MCF2L2: variants seen among roughly 807,000 people sequenced by gnomAD.
MCF2L2 encodes probable guanine nucleotide exchange factor MCF2L2.
In MCF2L2, 102 loss-of-function variants were observed where a neutral mutation model predicts 150.2. That is an observed-to-expected ratio of 0.68 (90% CI 0.58 to 0.80). MCF2L2 has a LOEUF of 0.80. Among genes scored for constraint, MCF2L2 ranks in the 30% least tolerant of loss-of-function variants. MCF2L2 has a pLI of 0.00. For missense variants in MCF2L2, 1,256 were observed against 1,372.8 expected (o/e 0.91, Z 1.34); for synonymous variants, 465 against 491.3 (o/e 0.95, Z 0.71).
At chr3:183,321,437 C>CAAAA (rs754945400) in intron 6 of MCF2L2, among the ~76,000 whole-genome samples, 12,300 of 86,600 alleles carry the variant, frequency 0.14, 598 homozygotes, top group Non-Finnish European at 0.19. Flanking sequence ...GACTCTGTCT[C>CAAAA]AAAAAAAAAA....
intron 2 of MCF2L2, among the ~76,000 whole-genome samples, chr3:183,387,898 C>T (rs192458117): frequency 2.9e-5 from 4 of 136,268 alleles, no homozygotes; most frequent in East Asian, 2.2e-4. Flanking sequence ...TGCTATTGCA[C>T]GCCAGCCTGG....
intron 21 of MCF2L2, among the ~76,000 whole-genome samples, chr3:183,217,924 A>T (rs776333791): frequency 2.6e-5 from 4 of 152,234 alleles, no homozygotes; most frequent in Non-Finnish European, 5.9e-5. Flanking sequence ...AGGCTTTTGC[A>T]TGGGCTTGAG....
chr3:183,309,616 C>T, intron 10 of MCF2L2, 100 bp downstream of exon 10: 1 of 1,512,446 alleles, frequency 6.6e-7, no homozygotes, highest in Non-Finnish European at 9.1e-7. Flanking sequence ...CTGGGCATTC[C>T]TGTGTCCTTT....
In MCF2L2 at chr3:183,222,371, G is replaced by A. The variant is rs541872320; in HGVS notation, c.2301+975C>T. Among the ~76,000 whole-genome samples, 15 of 152,270 alleles carry A rather than the reference G, an allele frequency of 9.9e-5. 2 individuals carry two copies. The South Asian group carries it at 3.1e-3, about 32-fold the overall frequency. On this transcript the variant is annotated intron_variant, in intron 20 of 29. Coordinates refer to ENST00000328913, the MANE Select transcript of MCF2L2 (RefSeq NM_015078.4). Reference sequence around the variant, plus strand: ...TCAAGACCAGCCTGGCCAACATGGTGAAACCCCGTCTCTACTAAAAATACA... The same window carrying A: ...TCAAGACCAGCCTGGCCAACATGGTAAAACCCCGTCTCTACTAAAAATACA...
rs1728545763 is a variant in MCF2L2, at chr3:183,297,031, A to C, written c.1442T>G (p.Leu481Arg). The C allele has an allele frequency of 6.2e-7, 1 of 1,614,112 alleles. No individual in the cohort carries two copies. Among genetic ancestry groups the C allele is most frequent in the Middle Eastern group, 1.6e-4 (1 of 6,062 alleles). ...FLGTVKEYPL[L>R]SPKEFYNEFE... Reference sequence around the variant, plus strand: ...CTCGTTGTAAAACTCCTTGGGGCTGAGCAACGGGTACTCCTTGACTGTGCC... The same window carrying C: ...CTCGTTGTAAAACTCCTTGGGGCTGCGCAACGGGTACTCCTTGACTGTGCC... The change falls in exon 12 of 30, where the codon CTC becomes CGC. Residue 481 changes from leucine (L) to arginine (R), a missense_variant. Physicochemically the swap from Leu to Arg is moderately radical, Grantham distance 102 (BLOSUM62 -2). Transcript: ENST00000328913.
At chr3:183,279,378 T>C (rs2108463302) in intron 14 of MCF2L2, among the ~76,000 whole-genome samples, 1 of 152,352 alleles carries the variant, frequency 6.6e-6, no homozygotes, top group Admixed American at 6.5e-5. Context: ...ATTCAAATAG[T>C]AGACTAAAAA....
chr3:183,180,216 GC>G, intron 27 of MCF2L2, 57 bp from the exon 28 acceptor site: 1 of 1,115,098 alleles, frequency 9.0e-7, no homozygotes, highest in Non-Finnish European at 1.4e-6. Flanking sequence ...CATCCCCTCT[GC>G]CCATGGCAGG....
intron 3 of MCF2L2, among the ~76,000 whole-genome samples, chr3:183,350,553 A>G (rs1731070761): frequency 6.6e-6 from 1 of 152,180 alleles, no homozygotes; most frequent in Non-Finnish European, 1.5e-5. Flanking sequence ...AAGGAAACTA[A>G]TCCTCAAGAA....
chr3:183,361,878 T>A (rs999316732), intron 3 of MCF2L2, among the ~76,000 whole-genome samples: 2 of 152,190 alleles, frequency 1.3e-5, no homozygotes, highest in African/African-American at 4.8e-5. Context: ...ACTGTCCACA[T>A]GGGTGGCTGA....
intron 1 of MCF2L2, among the ~76,000 whole-genome samples, chr3:183,402,881 T>C (rs993271984): frequency 6.8e-6 from 1 of 146,718 alleles, no homozygotes; most frequent in Non-Finnish European, 1.5e-5. Context: ...TATATATATA[T>C]ACGAAATTTA....
chr3:183,295,369 G>C lies in MCF2L2; in HGVS notation c.1606C>G (p.Pro536Ala), dbSNP rs763397732. The stretch of plus-strand genomic sequence containing the variant: ...GAAGACTCAGGATGTGGGGCCACAG[G>C]TTGCACTGGACGAGTCTGTTTGGCT... ...LAAKQTRPVQPVAPHPESSPK... is the reference protein window; with the variant it reads ...LAAKQTRPVQAVAPHPESSPK... Residue 536 changes from proline (P) to alanine (A), a missense_variant, in exon 13 of 30, where the codon CCT (proline) becomes GCT (alanine). Pro to Ala is a conservative substitution (Grantham distance 27). Transcript: ENST00000328913. The C allele has an allele frequency of 1.2e-6, 2 of 1,613,926 alleles. No individual in the cohort carries two copies. The highest frequency in any genetic ancestry group is 2.2e-5 in the East Asian group (1 of 44,860).
At chr3:183,230,225 C>T (rs377049694) in intron 16 of MCF2L2, among the ~76,000 whole-genome samples, 3 of 151,998 alleles carry the variant, frequency 2.0e-5, no homozygotes, top group African/African-American at 4.8e-5. Flanking sequence ...GTGATTCTTC[C>T]GTTTCAGACT....
chr3:183,418,627 C>T (rs1189666114), intron 1 of MCF2L2, among the ~76,000 whole-genome samples: 1 of 152,146 alleles, frequency 6.6e-6, no homozygotes, highest in Non-Finnish European at 1.5e-5. Context: ...CTGGCAAAAA[C>T]AAAGGGGCTA....
At chr3:183,420,260 C>A (rs1327387738) in intron 1 of MCF2L2, among the ~76,000 whole-genome samples, 6 of 152,190 alleles carry the variant, frequency 3.9e-5, no homozygotes, top group Non-Finnish European at 8.8e-5. Context: ...GCAGTACCCC[C>A]ACTCTTAGTA....
At chr3:183,386,358 C>A (rs1713830275) in intron 2 of MCF2L2, among the ~76,000 whole-genome samples, 1 of 152,196 alleles carries the variant, frequency 6.6e-6, no homozygotes, top group East Asian at 1.9e-4. Flanking sequence ...ACCAGAGGCC[C>A]CAGCCCTGGT....
chr3:183,374,680 A>AGAAAGAAAGAAAGAAAG (rs1713090727), intron 3 of MCF2L2: 1 of 148,246 alleles, frequency 6.7e-6, no homozygotes, highest in African/African-American at 2.6e-5. Flanking sequence ...AAAAAAAAAA[A>AGAAAGAAAGAAAGAAAG]AAAGAAAGAA....
At chr3:183,292,383 C>T (rs1053344044) in intron 13 of MCF2L2, among the ~76,000 whole-genome samples, 8 of 151,956 alleles carry the variant, frequency 5.3e-5, no homozygotes, top group East Asian at 1.9e-4. Flanking sequence ...AGCAAGACCC[C>T]GTTCTCCACA....
At chr3:183,378,994 A>C (rs915462026) in intron 3 of MCF2L2, 2 of 265,974 alleles carry the variant, frequency 7.5e-6, no homozygotes, top group African/African-American at 2.2e-5. Context: ...AAAAATGAAA[A>C]TAAAGCAATA....
At chr3:183,426,783 C>T (rs924256764) in intron 1 of MCF2L2, among the ~76,000 whole-genome samples, 8 of 152,208 alleles carry the variant, frequency 5.3e-5, no homozygotes, top group Non-Finnish European at 8.8e-5. Context: ...GATCTTTTGT[C>T]GTAAAAGTTC....
Sources: allele counts gnomAD v4.1 joint callset (sites outside exome capture counted in the v4.1 genomes callset), GRCh38; gene constraint gnomAD v4.1.1; transcripts MANE v1.5; gene names NCBI Gene and HGNC (gene_info 2026-07-23, HGNC 2026-07-21).